The following RALY variants were observed in gnomAD, a reference collection of about 807,000 sequenced individuals.
RALY encodes the protein RALY heterogeneous nuclear ribonucleoprotein, also known as RNA-binding protein Raly.
RALY carries 15 observed loss-of-function variants against 30.7 expected under a neutral mutation model. The ratio of observed to expected loss-of-function variants is 0.49; its 90% CI spans 0.33 to 0.75. The LOEUF is 0.75. Among genes scored for constraint, RALY ranks in the 30% least tolerant of loss-of-function variants. The probability of loss-of-function intolerance (pLI) is 0.02; values close to 1 mark genes in which losing one functional copy is unlikely to be tolerated. For synonymous variants in RALY, 177 were observed against 170.8 expected (o/e 1.04, Z -0.28); for missense variants, 339 against 414.3 (o/e 0.82, Z 1.58).
chr20:34,002,960 C>T (rs2030987134), intron 1 of RALY, among the ~76,000 whole-genome samples: 1 of 152,146 alleles, frequency 6.6e-6, no homozygotes, highest in Non-Finnish European at 1.5e-5. Flanking sequence ...TTTGATCAGT[C>T]TGTGATTTGA....
intron 8 of RALY, 136 bp downstream of exon 8, chr20:34,077,381 C>T (rs368596614): frequency 1.3e-6 from 2 of 1,527,854 alleles, no homozygotes; most frequent in Non-Finnish European, 8.8e-7. Flanking sequence ...GGTTCTGGTC[C>T]TGGGGGAAAG....
rs183383765 is a variant in RALY at position 34,084,832 on chromosome 20, C to T, written c.*4927C>T. 2.0e-5 allele frequency: 3 copies of T among 152,196 alleles called. No individual in the cohort carries two copies. The highest frequency in any genetic ancestry group is 6.6e-5 in the Admixed American group (1 of 15,212). 9.4% of individuals were successfully genotyped at this position (152,196 alleles called of 1,614,324 possible). On this transcript the variant is annotated 3_prime_UTR_variant, in exon 10 of 10. Transcript: ENST00000246194. ...AAAGTAAGAACTGCCTCACTGATGC[C>T]ATTCAAAGCCCAGCACCATGAGAGA...
At chr20:34,068,002 G>A (rs143428025) in intron 2 of RALY, among the ~76,000 whole-genome samples, 18 of 151,880 alleles carry the variant, frequency 1.2e-4, no homozygotes, top group African/African-American at 4.1e-4. Context: ...TTTTACTGTG[G>A]GTAAAACTTC....
In RALY at chr20:33,994,074, G is replaced by T. The variant is rs1234310014; in HGVS notation, c.-150G>T. 3 of 152,314 alleles carry T rather than the reference G, an allele frequency of 2.0e-5. No homozygotes were observed. Among genetic ancestry groups the T allele is most frequent in the African/African-American group, 7.2e-5 (3 of 41,466 alleles). The allele number at this position is 152,314 out of a possible 1,614,324, so 9.4% of individuals were successfully genotyped here. A position where few individuals can be genotyped will look rare whatever the true frequency, so the allele number is the denominator to read the frequency against. On this transcript the variant is annotated 5_prime_UTR_variant, in exon 1 of 10. Transcript: ENST00000246194. Reference sequence around the variant, plus strand: ...TTTCCTCCCTCCCTTACGTCCCCGAGTGCGGCAGTACCGCCTCCTTCCCAG... The same window carrying T: ...TTTCCTCCCTCCCTTACGTCCCCGATTGCGGCAGTACCGCCTCCTTCCCAG...
At chr20:34,005,308 G>A (rs1191683473) in intron 1 of RALY, among the ~76,000 whole-genome samples, 3 of 151,982 alleles carry the variant, frequency 2.0e-5, no homozygotes, top group Admixed American at 6.6e-5. Context: ...TCAGGAGATC[G>A]AGACCATCCT....
rs1362054626 is a variant in RALY at position 34,024,758 on chromosome 20, T to C, written c.-92-6764T>C. On this transcript the variant is annotated intron_variant, in intron 1 of 9. Transcript: ENST00000246194. ...GTCCTGGCTGCATTTTTTATTATGT[T>C]GTGAGGTCATTTTTTTTACCCCCAC... Among the ~76,000 whole-genome samples the C allele has an allele frequency of 2.0e-5, 3 of 152,260 alleles. No individual in the cohort carries two copies. The East Asian group carries it at 5.8e-4, about 29-fold the overall frequency.
chr20:34,078,128 T>C (rs1447489199), intron 8 of RALY, among the ~76,000 whole-genome samples: 2 of 152,198 alleles, frequency 1.3e-5, no homozygotes, highest in Non-Finnish European at 2.9e-5. Flanking sequence ...GCCTGATCCT[T>C]CATCTTATTT....
At chr20:34,047,275 C>T (rs891687982) in intron 2 of RALY, among the ~76,000 whole-genome samples, 3 of 152,142 alleles carry the variant, frequency 2.0e-5, no homozygotes, top group Non-Finnish European at 4.4e-5. Flanking sequence ...TGACTTAGAG[C>T]GGACAGTATG....
At chr20:34,075,078 A>T (rs2033835853) in intron 5 of RALY, among the ~76,000 whole-genome samples, 1 of 152,048 alleles carries the variant, frequency 6.6e-6, no homozygotes, top group African/African-American at 2.4e-5. Context: ...GCCCTCCTAG[A>T]GAGGGCTTGG....
At chr20:34,038,753 C>A (rs1010742239) in intron 2 of RALY, among the ~76,000 whole-genome samples, 1 of 152,306 alleles carries the variant, frequency 6.6e-6, no homozygotes, top group Non-Finnish European at 1.5e-5. Flanking sequence ...TTCTGTGTGA[C>A]TAACTTCTCT....
chr20:34,044,084 G>A (rs1318012787), intron 2 of RALY, among the ~76,000 whole-genome samples: 1 of 152,074 alleles, frequency 6.6e-6, no homozygotes, highest in Non-Finnish European at 1.5e-5. Context: ...AGAAGCTTAT[G>A]TGGGTGTTTC....
Position 34,076,687 on chromosome 20 carries a change from C to T in RALY, c.545-15C>T, listed in dbSNP as rs373699880. The stretch of plus-strand genomic sequence containing the variant: ...AGCCCCCTAGGTGACAGCCCTGTCC[C>T]CCCTCCACTCCCAGTAAAGAGCAGT... On this transcript the variant is annotated splice_polypyrimidine_tract_variant and intron_variant, in intron 6 of 9. Coordinates refer to ENST00000246194, the MANE Select transcript of RALY (RefSeq NM_016732.3). 39 of 1,611,524 alleles carry T rather than the reference C, an allele frequency of 2.4e-5. No homozygotes were observed. Among genetic ancestry groups the T allele is most frequent in the Admixed American group, 1.0e-4 (6 of 59,972 alleles).
chr20:34,004,997 A>G (rs775209351), intron 1 of RALY, among the ~76,000 whole-genome samples: 11 of 152,350 alleles, frequency 7.2e-5, no homozygotes, highest in Middle Eastern at 3.4e-3. Context: ...GTCAGCAAAT[A>G]TTAGAAAATG....
intron 1 of RALY, among the ~76,000 whole-genome samples, chr20:34,008,398 G>A (rs1175368817): frequency 6.6e-6 from 1 of 152,180 alleles, no homozygotes; most frequent in African/African-American, 2.4e-5. Context: ...GCATCTGACT[G>A]TAATGGGGGT....
At chr20:34,061,231 A>G (rs893452664) in intron 2 of RALY, among the ~76,000 whole-genome samples, 4 of 152,308 alleles carry the variant, frequency 2.6e-5, no homozygotes, top group East Asian at 1.9e-4. Flanking sequence ...AGGATGTAGC[A>G]TGACGTAGAG....
chr20:34,056,856 AG>A (rs1215496645), intron 2 of RALY, among the ~76,000 whole-genome samples: 1 of 152,256 alleles, frequency 6.6e-6, no homozygotes, highest in Non-Finnish European at 1.5e-5. Flanking sequence ...TTTGGAAAGC[AG>A]TTAAGCAATG....
intron 2 of RALY, among the ~76,000 whole-genome samples, chr20:34,057,584 A>G (rs1163790723): frequency 2.0e-5 from 3 of 150,206 alleles, no homozygotes; most frequent in Non-Finnish European, 3.0e-5. Flanking sequence ...GGAGAATGGC[A>G]TGAACCTGGG....
chr20:34,077,019 C>G lies in RALY; in HGVS notation c.659-9C>G, dbSNP rs762435483. 6.2e-7 allele frequency: 1 copy of G among 1,610,612 alleles called. No individual in the cohort carries two copies. The highest frequency in any genetic ancestry group is 1.1e-5 in the South Asian group (1 of 90,632). On this transcript the variant is annotated splice_polypyrimidine_tract_variant and intron_variant, in intron 7 of 9. Transcript: ENST00000246194. ...TTTATTCTCCCCTCCTCCACCCCTT[C>G]CCCTCAAGATGGCAAGAAGAAGGGT...
chr20:34,065,279 A>G (rs2033538494), intron 2 of RALY: 2 of 152,260 alleles, frequency 1.3e-5, no homozygotes, highest in South Asian at 4.1e-4. Context: ...TGATTCTTGT[A>G]TCAGACCTGA....
Sources: gnomAD v4.1 joint callset for allele counts (sites outside exome capture counted in the v4.1 genomes callset) on GRCh38, gnomAD v4.1.1 for gene constraint, MANE v1.5 for transcripts, NCBI Gene and HGNC (gene_info 2026-07-23, HGNC 2026-07-21) for gene names.